Variants in PRKN observed in about 807,000 individuals in gnomAD.
The protein encoded by PRKN is E3 ubiquitin-protein ligase parkin.
PRKN carries 56 observed loss-of-function variants against 59.5 expected under a neutral mutation model. The ratio of observed to expected loss-of-function variants is 0.94; its 90% CI spans 0.76 to 1.18. The LOEUF (loss-of-function observed/expected upper bound fraction) is 1.18. Among genes scored for constraint, PRKN ranks in the 50% most tolerant of loss-of-function variants. The pLI, the probability that PRKN is intolerant of heterozygous loss-of-function variation, is 0.00. For synonymous variants in PRKN, 250 were observed against 222.1 expected, an observed-to-expected ratio of 1.13 and a Z score of -1.12; for missense variants, 657 against 596.4, an observed-to-expected ratio of 1.10 and a Z score of -1.06.
At chr6:161,774,845 C>T (rs898667523) in intron 7 of PRKN, among the ~76,000 whole-genome samples, 1 of 152,192 alleles carries the variant, frequency 6.6e-6, no homozygotes, top group Admixed American at 6.5e-5. Context: ...ATTGCTAAAT[C>T]ATTCCCAAAA....
chr6:161,375,057 G>A (rs971335012), intron 10 of PRKN, among the ~76,000 whole-genome samples: 2 of 151,802 alleles, frequency 1.3e-5, no homozygotes, highest in African/African-American at 4.8e-5. Flanking sequence ...CCCGCAGGCT[G>A]TGACCCCTAC....
At chr6:162,465,150 CT>C (rs1791357564) in intron 1 of PRKN, among the ~76,000 whole-genome samples, 1 of 152,178 alleles carries the variant, frequency 6.6e-6, no homozygotes, top group Admixed American at 6.5e-5. Context: ...AGCATCACTT[CT>C]ATGAACATTT....
chr6:161,878,704 C>T (rs188289180), intron 6 of PRKN, among the ~76,000 whole-genome samples: 333 of 152,270 alleles, frequency 2.2e-3, no homozygotes, highest in Non-Finnish European at 3.8e-3. Context: ...GTGGCAGACC[C>T]CAAAGCCAGC....
At chr6:161,583,352 TAAAG>T (rs1781412109) in intron 7 of PRKN, among the ~76,000 whole-genome samples, 1 of 152,028 alleles carries the variant, frequency 6.6e-6, no homozygotes, top group Non-Finnish European at 1.5e-5. Context: ...GGATAAGAAA[TAAAG>T]AAAATTCAGT....
At chr6:161,666,814 C>T (rs1377272074) in intron 7 of PRKN, among the ~76,000 whole-genome samples, 1 of 152,154 alleles carries the variant, frequency 6.6e-6, no homozygotes, top group East Asian at 1.9e-4. Context: ...GGCGTCAGAA[C>T]ACTCCAGCAC....
chr6:162,335,008 T>G (rs1380684419), intron 2 of PRKN, among the ~76,000 whole-genome samples: 1 of 152,022 alleles, frequency 6.6e-6, no homozygotes, highest in Admixed American at 6.6e-5. Context: ...TTGTTTCTTA[T>G]GGATGATTTT....
intron 7 of PRKN, among the ~76,000 whole-genome samples, chr6:161,759,172 T>TA (rs56049781): frequency 2.4e-4 from 36 of 148,102 alleles, no homozygotes; most frequent in Non-Finnish European, 3.4e-4. Flanking sequence ...TGAGACTGTT[T>TA]AAAAAAAAAA....
chr6:162,488,788 C>A (rs1299535948), intron 1 of PRKN, among the ~76,000 whole-genome samples: 1 of 152,196 alleles, frequency 6.6e-6, no homozygotes, highest in African/African-American at 2.4e-5. Flanking sequence ...ACACTAGCCC[C>A]TGCCAGGCTC....
chr6:162,127,256 A>G (rs1369549235), intron 4 of PRKN, among the ~76,000 whole-genome samples: 1 of 152,230 alleles, frequency 6.6e-6, no homozygotes, highest in Admixed American at 6.5e-5. Flanking sequence ...CTCAATGCCA[A>G]ATGACTTTTC....
intron 7 of PRKN, among the ~76,000 whole-genome samples, chr6:161,589,134 G>GT (rs1264532774): frequency 6.6e-6 from 1 of 152,194 alleles, no homozygotes; most frequent in African/African-American, 2.4e-5. Context: ...TATACGGCAT[G>GT]CCGTCAAGAA....
At chr6:161,680,748 TATATATATATATA>T (rs1785297233) in intron 7 of PRKN, among the ~76,000 whole-genome samples, 3 of 12,732 alleles carry the variant, frequency 2.4e-4, no homozygotes, top group African/African-American at 4.4e-4. Context: ...TATATATATA[TATATATATATATA>T]TATATATATA....
At chr6:161,937,460 T>C (rs771081638) in intron 6 of PRKN, among the ~76,000 whole-genome samples, 5 of 152,242 alleles carry the variant, frequency 3.3e-5, no homozygotes, top group Non-Finnish European at 7.3e-5. Flanking sequence ...GTCACTTGTT[T>C]CACTCTGATG....
intron 1 of PRKN, among the ~76,000 whole-genome samples, chr6:162,574,105 C>G (rs1780459308): frequency 6.6e-6 from 1 of 152,188 alleles, no homozygotes; most frequent in Non-Finnish European, 1.5e-5. Context: ...CTGGCATCAT[C>G]TCAACAGTGG....
intron 7 of PRKN, among the ~76,000 whole-genome samples, chr6:161,570,251 T>C (rs1780838384): frequency 6.9e-6 from 1 of 145,932 alleles, no homozygotes; most frequent in African/African-American, 2.5e-5. Flanking sequence ...GTTATATATA[T>C]TTTTATATAA....
At chr6:162,631,948 C>A (rs1285484841) in intron 1 of PRKN, among the ~76,000 whole-genome samples, 1 of 149,368 alleles carries the variant, frequency 6.7e-6, no homozygotes, top group African/African-American at 2.5e-5. Flanking sequence ...CAATAAGATA[C>A]CATCTTATAC....
At chr6:161,492,520 C>T (rs1777597562) in intron 9 of PRKN, among the ~76,000 whole-genome samples, 1 of 152,214 alleles carries the variant, frequency 6.6e-6, no homozygotes, top group Non-Finnish European at 1.5e-5. Context: ...AAGACCAGAA[C>T]TGCTAAATTC....
intron 2 of PRKN, among the ~76,000 whole-genome samples, chr6:162,308,060 G>A (rs763433598): frequency 1.3e-5 from 2 of 152,214 alleles, no homozygotes; most frequent in Non-Finnish European, 2.9e-5. Flanking sequence ...AATAAGAAAG[G>A]ATGCAAATGC....
chr6:161,702,222 T>C lies in PRKN; in HGVS notation c.871+83550A>G, dbSNP rs1786281613. ...TCGGAAGATGAGAGAAGAGAAATTC[T>C]ACCAAAATTAGGTAAAAAGATAAAT... On this transcript the variant is annotated intron_variant, in intron 7 of 11. Coordinates refer to ENST00000366898, the MANE Select transcript of PRKN (RefSeq NM_004562.3). Among the ~76,000 whole-genome samples, 4 of 152,222 alleles carry C rather than the reference T, an allele frequency of 2.6e-5. 1 individual carries two copies. Among genetic ancestry groups the C allele is most frequent in the African/African-American group, 9.7e-5 (4 of 41,450 alleles).
At chr6:161,450,587 C>T (rs937723065) in intron 9 of PRKN, among the ~76,000 whole-genome samples, 7 of 151,824 alleles carry the variant, frequency 4.6e-5, no homozygotes, top group African/African-American at 7.2e-5. Context: ...GACGGAGTCT[C>T]GCTCTGTCAC....
Sources: gnomAD v4.1 joint callset for allele counts (sites outside exome capture counted in the v4.1 genomes callset) on GRCh38, gnomAD v4.1.1 for gene constraint, MANE v1.5 for transcripts, NCBI Gene and HGNC (gene_info 2026-07-23, HGNC 2026-07-21) for gene names.